VEPH1: variants seen among roughly 807,000 people sequenced by gnomAD.
VEPH1 encodes ventricular zone expressed PH domain containing 1, also known as ventricular zone-expressed PH domain-containing protein homolog 1.
In VEPH1, 80 loss-of-function variants were observed where a neutral mutation model predicts 85.2. The ratio of observed to expected loss-of-function variants is 0.94; its 90% CI spans 0.78 to 1.13. VEPH1 has a LOEUF of 1.13. Ranked by LOEUF, VEPH1 falls within the 50% of genes most tolerant of loss-of-function variation. The pLI, the probability that VEPH1 is intolerant of heterozygous loss-of-function variation, is 0.00. For missense variants in VEPH1, 955 were observed against 980.5 expected (o/e 0.97, Z 0.35); for synonymous variants, 297 against 348.0 (o/e 0.85, Z 1.63).
intron 1 of VEPH1, among the ~76,000 whole-genome samples, chr3:157,501,894 C>T (rs1740144028): frequency 6.6e-6 from 1 of 152,226 alleles, no homozygotes; most frequent in African/African-American, 2.4e-5. Flanking sequence ...CATTAACAAA[C>T]TTAGACCCAT....
chr3:157,471,881 TG>T (rs1404025815), intron 2 of VEPH1, among the ~76,000 whole-genome samples: 2 of 152,228 alleles, frequency 1.3e-5, no homozygotes, highest in Non-Finnish European at 2.9e-5. Context: ...TTGTCAATTT[TG>T]GGGCCTTATT....
chr3:157,481,304 A>G (rs1738024696), intron 2 of VEPH1, among the ~76,000 whole-genome samples: 1 of 151,866 alleles, frequency 6.6e-6, no homozygotes, highest in African/African-American at 2.4e-5. Context: ...CATGGATTGG[A>G]AGAATCAGAA....
intron 12 of VEPH1, among the ~76,000 whole-genome samples, chr3:157,268,232 C>T (rs2108267020): frequency 6.6e-6 from 1 of 152,216 alleles, no homozygotes; most frequent in East Asian, 1.9e-4. Context: ...ACTGTGTCTC[C>T]CCACTGGGTT....
At chr3:157,419,046 T>A (rs958261505) in intron 5 of VEPH1, among the ~76,000 whole-genome samples, 5 of 152,154 alleles carry the variant, frequency 3.3e-5, no homozygotes, top group African/African-American at 1.2e-4. Flanking sequence ...AACTATCTGA[T>A]CTTCAACAAA....
chr3:157,420,008 T>C (rs1472741822), intron 5 of VEPH1, among the ~76,000 whole-genome samples: 1 of 152,034 alleles, frequency 6.6e-6, no homozygotes, highest in African/African-American at 2.4e-5. Context: ...AGGAACAAGA[T>C]CATGTCCTTT....
At chr3:157,485,262 G>C (rs538055063) in intron 2 of VEPH1, among the ~76,000 whole-genome samples, 3 of 152,204 alleles carry the variant, frequency 2.0e-5, no homozygotes, top group Admixed American at 2.0e-4. Context: ...GAACAACAAG[G>C]TATCTAATTC....
chr3:157,486,832 C>T (rs1738703273), intron 2 of VEPH1, among the ~76,000 whole-genome samples: 1 of 152,098 alleles, frequency 6.6e-6, no homozygotes, highest in Admixed American at 6.6e-5. Flanking sequence ...CCATGCAGTT[C>T]ACATTCTCTG....
chr3:157,378,749 G>A (rs1379829260), intron 7 of VEPH1, among the ~76,000 whole-genome samples: 5 of 152,004 alleles, frequency 3.3e-5, no homozygotes, highest in South Asian at 2.1e-4. Flanking sequence ...TTAAGAGATC[G>A]TCCCAGGTTG....
intron 7 of VEPH1, among the ~76,000 whole-genome samples, chr3:157,375,129 G>T (rs1263550676): frequency 6.6e-6 from 1 of 152,180 alleles, no homozygotes; most frequent in African/African-American, 2.4e-5. Context: ...CATATGAAAA[G>T]ACTTTTTGTT....
chr3:157,310,058 G>A (rs1577307334), intron 11 of VEPH1, among the ~76,000 whole-genome samples: 1 of 152,208 alleles, frequency 6.6e-6, no homozygotes, highest in Non-Finnish European at 1.5e-5. Context: ...AGGATTACAG[G>A]CATGACTGTA....
chr3:157,287,388 A>G (rs1317518170), intron 11 of VEPH1, among the ~76,000 whole-genome samples: 1 of 150,006 alleles, frequency 6.7e-6, no homozygotes, highest in Non-Finnish European at 1.5e-5. Context: ...AAATATATAT[A>G]TATATAATAT....
At chr3:157,421,849 G>C (rs1732365316) in intron 5 of VEPH1, among the ~76,000 whole-genome samples, 1 of 152,134 alleles carries the variant, frequency 6.6e-6, no homozygotes, top group Non-Finnish European at 1.5e-5. Flanking sequence ...CCCCCAGGTA[G>C]GATCCTGGCA....
At chr3:157,455,521 C>A (rs1244342185) in intron 4 of VEPH1, among the ~76,000 whole-genome samples, 1 of 151,578 alleles carries the variant, frequency 6.6e-6, no homozygotes, top group Non-Finnish European at 1.5e-5. Flanking sequence ...ATTTTATTAC[C>A]CAGGTATTAA....
chr3:157,364,268 T>G (rs1321395925), intron 8 of VEPH1, 35 bp downstream of exon 8: 3 of 1,472,332 alleles, frequency 2.0e-6, no homozygotes, highest in African/African-American at 1.6e-5. Flanking sequence ...GAACATGAAG[T>G]GTATGATTTA....
Position 157,363,575 on chromosome 3 carries a change from A to G in VEPH1, c.1524T>C (p.Val508=). The G allele has an allele frequency of 1.2e-6, 2 of 1,613,984 alleles. No homozygotes were observed. The highest frequency in any genetic ancestry group is 3.3e-4 in the Middle Eastern group (2 of 6,060). ...CTATATGTATAATATTTGGGTATGA[A>G]ACTGAAGACTCCCCCAGCTGTGATC... ...TERSQLGESS[V]SYPNIIHIDS... is the part of the protein sequence containing the mutation. The change falls in exon 9 of 14, where the codon GTT becomes GTC. Residue 508 remains valine, a synonymous_variant. Coordinates refer to ENST00000362010, the MANE Select transcript of VEPH1 (RefSeq NM_001167912.2).
chr3:157,364,206 T>C, intron 8 of VEPH1, 97 bp downstream of exon 8: 2 of 932,186 alleles, frequency 2.1e-6, no homozygotes, highest in Middle Eastern at 3.4e-4. Context: ...TGGCAATGGG[T>C]AAAAGATATA....
chr3:157,317,624 C>T (rs1015262448), intron 9 of VEPH1, among the ~76,000 whole-genome samples: 7 of 152,090 alleles, frequency 4.6e-5, no homozygotes, highest in Non-Finnish European at 7.4e-5. Context: ...TGTGCAGGGG[C>T]CTCAGAGATA....
At chr3:157,332,589 C>A (rs1157700742) in intron 9 of VEPH1, among the ~76,000 whole-genome samples, 1 of 152,102 alleles carries the variant, frequency 6.6e-6, no homozygotes, top group Non-Finnish European at 1.5e-5. Context: ...TTTTGCATGG[C>A]TAAATAACAT....
intron 7 of VEPH1, among the ~76,000 whole-genome samples, chr3:157,378,667 G>T (rs533832080): frequency 6.6e-6 from 1 of 152,122 alleles, no homozygotes; most frequent in Admixed American, 6.6e-5. Context: ...GGAATTTACC[G>T]ACTCTACCTC....
Sources: allele counts gnomAD v4.1 joint callset (sites outside exome capture counted in the v4.1 genomes callset), GRCh38; gene constraint gnomAD v4.1.1; transcripts MANE v1.5; gene names NCBI Gene and HGNC (gene_info 2026-07-23, HGNC 2026-07-21).